The following USP32 variants were observed in gnomAD, a reference collection of about 807,000 sequenced individuals.
USP32 encodes the protein ubiquitin specific peptidase 32.
A neutral mutation model predicts 204.8 loss-of-function variants in USP32; 59 were observed. The observed-to-expected ratio is 0.29, with a 90% CI of 0.23 to 0.36. The LOEUF (loss-of-function observed/expected upper bound fraction) is 0.36. USP32 is among the 10% of genes least tolerant of loss of function. The pLI, the probability that USP32 is intolerant of heterozygous loss-of-function variation, is 1.00. For missense variants in USP32, 1,160 were observed against 1,946.4 expected (o/e 0.60, Z 7.60); for synonymous variants, 517 against 678.4 (o/e 0.76, Z 3.70).
intron 2 of USP32, among the ~76,000 whole-genome samples, chr17:60,312,864 T>A (rs2087887335): frequency 6.6e-6 from 1 of 152,138 alleles, no homozygotes; most frequent in Non-Finnish European, 1.5e-5. Context: ...AAACACAACA[T>A]AAGGCCCATG....
Position 60,179,193 on chromosome 17 carries a change from A to G in USP32, c.*62T>C. 6.5e-7 allele frequency: 1 copy of G among 1,541,412 alleles called. No individual in the cohort carries two copies. The highest frequency in any genetic ancestry group is 2.3e-5 in the East Asian group (1 of 43,662). On this transcript the variant is annotated 3_prime_UTR_variant, in exon 34 of 34. Transcript: ENST00000300896. The stretch of plus-strand genomic sequence containing the variant: ...TGCCTTTCAGTGACGCTTTTGCCAA[A>G]TGTCAGCTACAAGGAGTCATCTCCC...
intron 1 of USP32, among the ~76,000 whole-genome samples, chr17:60,379,899 G>T (rs376999104): frequency 8.5e-5 from 13 of 152,096 alleles, no homozygotes; most frequent in Admixed American, 7.9e-4. Flanking sequence ...CTAAATTTGT[G>T]CTTAAAACAG....
intron 11 of USP32, among the ~76,000 whole-genome samples, chr17:60,240,032 A>G (rs565139316): frequency 2.1e-4 from 32 of 152,290 alleles, no homozygotes; most frequent in African/African-American, 7.5e-4. Flanking sequence ...ACCATGCCCA[A>G]GCCAATTCTC....
chr17:60,408,663 C>T (rs2089996759), intron 1 of USP32, among the ~76,000 whole-genome samples: 1 of 151,900 alleles, frequency 6.6e-6, no homozygotes, highest in Admixed American at 6.6e-5. Flanking sequence ...CAGGCATGAG[C>T]CACCATGCCC....
At position 60,266,276 on chromosome 17, in the gene USP32, G is replaced by A. The variant is rs186404482; in HGVS notation, c.812-185C>T. Among the ~76,000 whole-genome samples the A allele has an allele frequency of 2.7e-3, 404 of 152,196 alleles. 2 individuals are homozygous for A. The highest frequency in any genetic ancestry group is 4.4e-3 in the Non-Finnish European group (296 of 67,990). ...GTCCTCAGAACTTGTAGGACTTCCTGCATATCATGAATCTGTATCTCTAAA... is the reference window on the plus strand; with the variant it reads ...GTCCTCAGAACTTGTAGGACTTCCTACATATCATGAATCTGTATCTCTAAA... On this transcript the variant is annotated intron_variant, in intron 7 of 33. Coordinates refer to ENST00000300896, the MANE Select transcript of USP32 (RefSeq NM_032582.4).
At chr17:60,213,725 T>C (rs1307951724) in intron 17 of USP32, 63 bp from the exon 18 acceptor site, 22 of 1,448,928 alleles carry the variant, frequency 1.5e-5, no homozygotes, top group Non-Finnish European at 2.0e-5. Flanking sequence ...AATACAGAGA[T>C]AAAAATGAGT....
intron 2 of USP32, among the ~76,000 whole-genome samples, chr17:60,302,197 G>A (rs548718334): frequency 1.7e-3 from 252 of 151,838 alleles, no homozygotes; most frequent in African/African-American, 5.9e-3. Flanking sequence ...GTGCAATGGC[G>A]TCATCTTGGC....
intron 5 of USP32, among the ~76,000 whole-genome samples, chr17:60,278,059 A>C (rs1043577686): frequency 6.6e-6 from 1 of 151,788 alleles, no homozygotes; most frequent in African/African-American, 2.4e-5. Context: ...CGCATGTGCT[A>C]CCACATCCAG....
Position 60,193,291 on chromosome 17 carries a change from A to G in USP32, c.3435-361T>C, listed in dbSNP as rs188775828. Among the ~76,000 whole-genome samples the G allele has an allele frequency of 2.2e-3, 331 of 152,374 alleles. 4 individuals carry two copies. Among genetic ancestry groups the G allele is most frequent in the African/African-American group, 7.5e-3 (312 of 41,588 alleles). ...TAATTCACATTAAACTAAAATAATT[A>G]GATCTTTCCATGACAAGAACACCGA... is the stretch of plus-strand genomic sequence containing the variant. On this transcript the variant is annotated intron_variant, in intron 27 of 33. Transcript: ENST00000300896.
chr17:60,305,883 A>T (rs1029149465), intron 2 of USP32, among the ~76,000 whole-genome samples: 4 of 152,128 alleles, frequency 2.6e-5, no homozygotes, highest in Non-Finnish European at 5.9e-5. Flanking sequence ...ATATACTGCT[A>T]CCTCCCTATC....
intron 1 of USP32, among the ~76,000 whole-genome samples, chr17:60,371,245 C>T (rs1420810730): frequency 8.4e-6 from 1 of 119,134 alleles, no homozygotes; most frequent in South Asian, 2.8e-4. Flanking sequence ...GACTCTGTCT[C>T]TAAAAATTAA....
chr17:60,371,040 C>A (rs1464250130), intron 1 of USP32, among the ~76,000 whole-genome samples: 2 of 151,394 alleles, frequency 1.3e-5, no homozygotes, highest in East Asian at 3.9e-4. Context: ...CTATCTTAGA[C>A]AACACAGTGA....
intron 5 of USP32, among the ~76,000 whole-genome samples, chr17:60,281,786 A>C (rs2086973427): frequency 6.6e-6 from 1 of 152,294 alleles, no homozygotes; most frequent in Non-Finnish European, 1.5e-5. Context: ...GTGTTTCTCA[A>C]AATGCAGTTC....
intron 1 of USP32, among the ~76,000 whole-genome samples, chr17:60,349,457 G>A (rs1598274006): frequency 1.3e-5 from 2 of 148,270 alleles, no homozygotes; most frequent in East Asian, 2.0e-4. Context: ...GTGGGTGCCT[G>A]TAATCCCAGT....
At chr17:60,181,162 C>T (rs1338261215) in intron 32 of USP32, among the ~76,000 whole-genome samples, 162 bp downstream of exon 32, 1 of 152,118 alleles carries the variant, frequency 6.6e-6, no homozygotes, top group Non-Finnish European at 1.5e-5. Flanking sequence ...GTGTGAGTCA[C>T]CACACCTGGG....
At chr17:60,352,383 G>A (rs2088969849) in intron 1 of USP32, among the ~76,000 whole-genome samples, 1 of 152,096 alleles carries the variant, frequency 6.6e-6, no homozygotes, top group South Asian at 2.1e-4. Context: ...AGTAAGGATG[G>A]CGAGGTCAAA....
intron 29 of USP32, among the ~76,000 whole-genome samples, chr17:60,189,802 T>C (rs1567752471): frequency 6.6e-6 from 1 of 152,188 alleles, no homozygotes; most frequent in East Asian, 1.9e-4. Context: ...TGGGACACAT[T>C]TGAACTAAGT....
At chr17:60,303,684 T>C (rs1203758381) in intron 2 of USP32, among the ~76,000 whole-genome samples, 8 of 152,238 alleles carry the variant, frequency 5.3e-5, no homozygotes, top group Middle Eastern at 3.4e-3. Flanking sequence ...GTCTCTTCTG[T>C]CCTATATGAA....
intron 1 of USP32, among the ~76,000 whole-genome samples, chr17:60,369,225 A>C (rs1351847488): frequency 7.3e-6 from 1 of 137,124 alleles, no homozygotes; most frequent in Non-Finnish European, 1.5e-5. Flanking sequence ...CGATCTCCTG[A>C]CCTCGTGATC....
Sources: allele counts gnomAD v4.1 joint callset (sites outside exome capture counted in the v4.1 genomes callset), GRCh38; gene constraint gnomAD v4.1.1; transcripts MANE v1.5; gene names NCBI Gene and HGNC (gene_info 2026-07-23, HGNC 2026-07-21).